Variants in TANC1 observed in about 807,000 individuals in gnomAD.
TANC1 encodes tetratricopeptide repeat, ankyrin repeat and coiled-coil containing 1.
In TANC1, 77 loss-of-function variants were observed where a neutral mutation model predicts 149.7. That is an observed-to-expected ratio of 0.51 (90% CI 0.43 to 0.62). The LOEUF is 0.62. TANC1 is among the 20% of genes least tolerant of loss of function. The probability of loss-of-function intolerance (pLI) is 0.00; values close to 1 mark genes in which losing one functional copy is unlikely to be tolerated. For missense variants in TANC1, 1,985 were observed against 2,321.8 expected (o/e 0.85, Z 2.98); for synonymous variants, 854 against 925.0 (o/e 0.92, Z 1.39).
rs759737515 is a variant in TANC1, at chr2:159,178,885, G to A, written c.2232G>A (p.Lys744=). The part of the protein sequence containing the change: ...SELYLLQCNM[K]FMTQSAFERA... The stretch of plus-strand genomic sequence containing the variant: ...TCTATTTGCTTCAGTGCAACATGAA[G>A]TTCATGACCCAGTCCGCCTTTGAGA... The change falls in exon 14 of 27, where the codon AAG becomes AAA. Residue 744 remains lysine (K), a synonymous_variant. Coordinates refer to ENST00000263635, the MANE Select transcript of TANC1 (RefSeq NM_033394.3). 33 of 1,614,066 alleles carry A rather than the reference G, an allele frequency of 2.0e-5. No individual in the cohort carries two copies. The highest frequency in any genetic ancestry group is 2.7e-5 in the Non-Finnish European group (32 of 1,180,050).
chr2:159,165,203 G>C (rs1260158956), intron 8 of TANC1, among the ~76,000 whole-genome samples: 1 of 152,106 alleles, frequency 6.6e-6, no homozygotes, highest in African/African-American at 2.4e-5. Context: ...GTTCTTTATG[G>C]GTCTCCTGCC....
chr2:159,150,844 T>C (rs1470025845), intron 7 of TANC1: 1 of 312,350 alleles, frequency 3.2e-6, no homozygotes, highest in Non-Finnish European at 5.9e-6. Context: ...TGCTCTTCTA[T>C]ATTCAGTTCC....
At chr2:158,987,440 A>C (rs2035140400) in intron 1 of TANC1, among the ~76,000 whole-genome samples, 1 of 151,832 alleles carries the variant, frequency 6.6e-6, no homozygotes, top group South Asian at 2.1e-4. Flanking sequence ...GGGTAGGAGG[A>C]TCGCTTGAGC....
At chr2:159,154,605 G>A (rs774994797) in intron 7 of TANC1, among the ~76,000 whole-genome samples, 13 of 152,198 alleles carry the variant, frequency 8.5e-5, no homozygotes, top group South Asian at 4.1e-4. Context: ...GGGGAGTCCC[G>A]CTTTATCCTC....
At chr2:159,226,799 T>G (rs943263821) in intron 24 of TANC1, 1 of 151,716 alleles carries the variant, frequency 6.6e-6, no homozygotes, top group African/African-American at 2.4e-5. Flanking sequence ...TCCCCAGTTC[T>G]GATGTGGGGG....
rs893257231 is a variant in TANC1 at position 159,114,739 on chromosome 2, A to G, written c.259+16905A>G. 1.1e-4 allele frequency among the ~76,000 whole-genome samples: 17 copies of G among 152,348 alleles called. No individual in the cohort carries two copies. The South Asian group carries it at 3.3e-3, about 30-fold the overall frequency. On this transcript the variant is annotated intron_variant, in intron 4 of 26. Transcript: ENST00000263635. ...TTGTGTGCCCTTTGGGCTTTAAAAT[A>G]AAGTTCATTTTATTCTGTGGTCATC...
At chr2:158,988,728 A>T (rs2035298595) in intron 1 of TANC1, among the ~76,000 whole-genome samples, 1 of 152,126 alleles carries the variant, frequency 6.6e-6, no homozygotes, top group Non-Finnish European at 1.5e-5. Flanking sequence ...AGTCTAATTC[A>T]GCCCTCTTGA....
At chr2:159,181,302 C>CT (rs755312956) in intron 14 of TANC1, among the ~76,000 whole-genome samples, 4,610 of 140,326 alleles carry the variant, frequency 0.033, 93 homozygotes, top group African/African-American at 0.056. Context: ...GATTTTTTTG[C>CT]TTTTTTTTTT....
chr2:159,172,932 G>GC (rs1299533833), intron 11 of TANC1, among the ~76,000 whole-genome samples: 6 of 152,170 alleles, frequency 3.9e-5, no homozygotes, highest in Non-Finnish European at 7.3e-5. Flanking sequence ...TTGTGAGGAG[G>GC]CCCTGTGGGG....
intron 3 of TANC1, 110 bp from the exon 4 acceptor site, chr2:159,097,527 A>G: frequency 1.2e-6 from 1 of 850,862 alleles, no homozygotes. Flanking sequence ...TTCAATACAC[A>G]CATCTGATAT....
intron 4 of TANC1, among the ~76,000 whole-genome samples, chr2:159,099,504 AAAAACAAAAC>A (rs546422995): frequency 6.6e-6 from 1 of 150,636 alleles, no homozygotes; most frequent in Non-Finnish European, 1.5e-5. Flanking sequence ...GACCAAAAAA[AAAAACAAAAC>A]AAAACAAAAC....
chr2:159,040,402 A>C (rs186194073), intron 2 of TANC1, among the ~76,000 whole-genome samples: 32 of 152,250 alleles, frequency 2.1e-4, no homozygotes, highest in African/African-American at 7.5e-4. Flanking sequence ...ATACCAATCA[A>C]ATGTAGATTT....
At chr2:159,167,669 C>G in intron 8 of TANC1, among the ~76,000 whole-genome samples, 1 of 152,088 alleles carries the variant, frequency 6.6e-6, no homozygotes, top group South Asian at 2.1e-4. Context: ...TTCTTGCTCG[C>G]TGGGAGGATG....
rs577919466 is a variant in TANC1, at chr2:159,063,047, A to C, written c.-15-2849A>C. On this transcript the variant is annotated intron_variant, in intron 2 of 26. Coordinates refer to ENST00000263635, the MANE Select transcript of TANC1 (RefSeq NM_033394.3). ...TTTAAAGCTGGAGTACCGATTTGTTAATTTATTCTCAGAATTGTCTGTCAG... is the reference window on the plus strand; with the variant it reads ...TTTAAAGCTGGAGTACCGATTTGTTCATTTATTCTCAGAATTGTCTGTCAG... Among the ~76,000 whole-genome samples the C allele has an allele frequency of 7.3e-5, 11 of 151,490 alleles. 1 individual carries two copies. In the South Asian group the frequency reaches 2.3e-3, roughly 32 times the overall value.
At chr2:159,055,177 G>C (rs960469679) in intron 2 of TANC1, among the ~76,000 whole-genome samples, 2 of 152,208 alleles carry the variant, frequency 1.3e-5, no homozygotes, top group Admixed American at 6.5e-5. Flanking sequence ...TGGGTTTCCG[G>C]TTGCCCTAAA....
intron 4 of TANC1, among the ~76,000 whole-genome samples, chr2:159,117,995 T>A (rs990805513): frequency 2.0e-5 from 3 of 151,886 alleles, no homozygotes; most frequent in Non-Finnish European, 2.9e-5. Flanking sequence ...GTACTGGAGT[T>A]TTTCTCTACT....
intron 2 of TANC1, among the ~76,000 whole-genome samples, chr2:159,051,903 C>T (rs997258345): frequency 1.3e-5 from 2 of 152,134 alleles, no homozygotes; most frequent in African/African-American, 4.8e-5. Flanking sequence ...ATCTCGGTTA[C>T]CCAGGATCCA....
chr2:159,153,828 A>G (rs2053134238), intron 7 of TANC1, among the ~76,000 whole-genome samples: 1 of 152,170 alleles, frequency 6.6e-6, no homozygotes, highest in African/African-American at 2.4e-5. Context: ...GCCTGTTTTT[A>G]TAAGGTGTAG....
chr2:159,050,192 C>T (rs1175351100), intron 2 of TANC1, among the ~76,000 whole-genome samples: 1 of 152,254 alleles, frequency 6.6e-6, no homozygotes, highest in South Asian at 2.1e-4. Flanking sequence ...ATTGCAGCCT[C>T]GAACACCTGG....
Sources: gnomAD v4.1 joint callset for allele counts (sites outside exome capture counted in the v4.1 genomes callset) on GRCh38, gnomAD v4.1.1 for gene constraint, MANE v1.5 for transcripts, NCBI Gene and HGNC (gene_info 2026-07-23, HGNC 2026-07-21) for gene names.